The following SOX6 variants were observed in gnomAD, a reference collection of about 807,000 sequenced individuals.
SOX6 encodes the protein SRY-box transcription factor 6, also known as transcription factor SOX-6.
A neutral mutation model predicts 97.8 loss-of-function variants in SOX6; 11 were observed. The ratio of observed to expected loss-of-function variants is 0.11; its 90% confidence interval spans 0.07 to 0.19. The LOEUF is 0.19. Among genes scored for constraint, SOX6 ranks in the 10% least tolerant of loss-of-function variants. The pLI, the probability that SOX6 is intolerant of heterozygous loss-of-function variation, is 1.00. For missense variants in SOX6, 810 were observed against 1,039.5 expected (o/e 0.78, Z 3.04); for synonymous variants, 360 against 371.4 (o/e 0.97, Z 0.35).
At chr11:16,637,102 C>A (rs1405544157) in intron 3 of SOX6, among the ~76,000 whole-genome samples, 2 of 152,104 alleles carry the variant, frequency 1.3e-5, no homozygotes, top group Non-Finnish European at 2.9e-5. Context: ...AAACAACAAG[C>A]TTTTGGATTC....
At chr11:16,043,972 C>G (rs1183842882) in intron 12 of SOX6, among the ~76,000 whole-genome samples, 1 of 152,164 alleles carries the variant, frequency 6.6e-6, no homozygotes, top group Non-Finnish European at 1.5e-5. Context: ...AGCCTGGAAG[C>G]TTCCTATGAG....
upstream of SOX6, among the ~76,000 whole-genome samples, chr11:16,479,288 G>C (rs1860303898): frequency 6.6e-6 from 1 of 152,176 alleles, no homozygotes; most frequent in Admixed American, 6.5e-5. Flanking sequence ...CCAACACTTT[G>C]GGAGGCTGAG....
In SOX6 at chr11:16,046,505, C is replaced by G; in HGVS notation, c.1623+9G>C. On this transcript the variant is annotated intron_variant, in intron 12 of 15. Transcript: ENST00000683767. ...TAGCAGATCCAGTGACACAAGGAAG[C>G]AGTTTTACCTTTTCATTCCTGCAGC... The G allele has an allele frequency of 6.2e-7, 1 of 1,612,648 alleles. No individual in the cohort carries two copies. The highest frequency in any genetic ancestry group is 1.1e-5 in the South Asian group (1 of 91,028).
At chr11:16,278,039 A>G (rs900543365) in intron 3 of SOX6, among the ~76,000 whole-genome samples, 10 of 151,984 alleles carry the variant, frequency 6.6e-5, no homozygotes, top group Non-Finnish European at 1.0e-4. Context: ...CTATATATAT[A>G]TTTCTCTCTT....
rs75116409 is a variant in SOX6 at position 16,149,398 on chromosome 11, C to T, written c.777+34488G>A. ...ATTTCCAAAACAGTAAGCTTTTGCC[C>T]AGGATCTTTAATCTTGACCCTTTTC... On this transcript the variant is annotated intron_variant, in intron 6 of 15. Coordinates refer to ENST00000683767, the MANE Select transcript of SOX6 (RefSeq NM_001367873.1). Among the ~76,000 whole-genome samples the T allele has an allele frequency of 7.6e-3, 1,163 of 152,160 alleles. 16 individuals carry two copies. The highest frequency in any genetic ancestry group is 0.027 in the African/African-American group (1,112 of 41,510).
chr11:16,168,007 A>T (rs910108314), intron 6 of SOX6, among the ~76,000 whole-genome samples: 3 of 151,180 alleles, frequency 2.0e-5, no homozygotes, highest in Admixed American at 6.6e-5. Context: ...AAAGTTTGTC[A>T]AATCAAAATC....
At chr11:16,282,333 A>G (rs1367427091) in intron 3 of SOX6, among the ~76,000 whole-genome samples, 1 of 151,552 alleles carries the variant, frequency 6.6e-6, no homozygotes, top group East Asian at 1.9e-4. Flanking sequence ...TATTGGAAAG[A>G]AATACAGATA....
chr11:15,988,099 GTC>G (rs1396893596), intron 14 of SOX6, among the ~76,000 whole-genome samples: 9 of 152,180 alleles, frequency 5.9e-5, no homozygotes, highest in Non-Finnish European at 8.8e-5. Flanking sequence ...CACAGTTTAA[GTC>G]TCTAATGTTT....
chr11:15,972,417 G>A lies in SOX6; in HGVS notation c.*392C>T, dbSNP rs986014927. 6.1e-5 allele frequency: 12 copies of A among 197,122 alleles called. No homozygotes were observed. Among genetic ancestry groups the A allele is most frequent in the Non-Finnish European group, 1.3e-4 (12 of 95,114 alleles). The allele number at this position is 197,122 out of a possible 1,614,324, so 12.2% of individuals were successfully genotyped here. On this transcript the variant is annotated 3_prime_UTR_variant, in exon 16 of 16. Transcript: ENST00000683767. Reference sequence around the variant, plus strand: ...AAAACACATTCACAACCTGTAGGCCGGCACAGCATACCTGAGTGAGAATGT... The same window carrying A: ...AAAACACATTCACAACCTGTAGGCCAGCACAGCATACCTGAGTGAGAATGT...
chr11:16,019,361 A>G (rs1854984563), intron 12 of SOX6, among the ~76,000 whole-genome samples: 1 of 152,148 alleles, frequency 6.6e-6, no homozygotes, highest in African/African-American at 2.4e-5. Context: ...ACCTTTATTC[A>G]AAAGCTCATT....
intron 4 of SOX6, among the ~76,000 whole-genome samples, chr11:16,547,178 T>C (rs1233721996): frequency 6.6e-6 from 1 of 152,116 alleles, no homozygotes; most frequent in African/African-American, 2.4e-5. Context: ...TGTAAATTAG[T>C]ACAACCACTA....
intron 2 of SOX6, among the ~76,000 whole-genome samples, chr11:16,323,212 A>G (rs1175859451): frequency 6.6e-6 from 1 of 152,176 alleles, no homozygotes; most frequent in Non-Finnish European, 1.5e-5. Flanking sequence ...CACAATATGT[A>G]AAATATGTGT....
intron 3 of SOX6, among the ~76,000 whole-genome samples, chr11:16,628,970 T>A (rs1230109426): frequency 6.6e-6 from 1 of 152,230 alleles, no homozygotes; most frequent in Non-Finnish European, 1.5e-5. Context: ...TTTACTGAAG[T>A]TGTTTATCAG....
At chr11:16,385,478 C>T (rs1035025865) in intron 1 of SOX6, among the ~76,000 whole-genome samples, 1 of 151,998 alleles carries the variant, frequency 6.6e-6, no homozygotes, top group East Asian at 1.9e-4. Flanking sequence ...AACAAAAATG[C>T]TCTTGAGGTA....
intron 4 of SOX6, among the ~76,000 whole-genome samples, chr11:16,516,419 A>G (rs1480570305): frequency 6.6e-6 from 1 of 152,194 alleles, no homozygotes; most frequent in East Asian, 1.9e-4. Context: ...ACTTTGCTGA[A>G]GTTGCTTATG....
chr11:16,240,117 G>C (rs1420869097), intron 3 of SOX6, among the ~76,000 whole-genome samples: 1 of 152,034 alleles, frequency 6.6e-6, no homozygotes, highest in African/African-American at 2.4e-5. Flanking sequence ...ACATGCTAAT[G>C]ACTCAATGCT....
rs896783600 is a variant in SOX6, at chr11:16,516,171, T to C, written n.610-39783A>G. Reference sequence around the variant, plus strand: ...CCATTTTCATGATATTGATTCTTCCTACCCATGAGCATGGAGTGTTCTTCC... The same window carrying C: ...CCATTTTCATGATATTGATTCTTCCCACCCATGAGCATGGAGTGTTCTTCC... On this transcript the variant is annotated intron_variant and non_coding_transcript_variant, in intron 4 of 5. Coordinates refer to the SOX6 transcript ENST00000524520. Among the ~76,000 whole-genome samples the C allele has an allele frequency of 1.3e-4, 19 of 150,912 alleles. 1 individual carries two copies. The highest frequency in any genetic ancestry group is 4.6e-4 in the African/African-American group (19 of 41,010).
chr11:16,182,396 C>T (rs11023864), intron 6 of SOX6, among the ~76,000 whole-genome samples: 1 of 151,760 alleles, frequency 6.6e-6, no homozygotes, highest in Non-Finnish European at 1.5e-5. Flanking sequence ...TGAGTTCCTA[C>T]AGAGGGATCT....
intron 1 of SOX6, among the ~76,000 whole-genome samples, chr11:16,383,112 T>C (rs901676382): frequency 6.6e-6 from 1 of 151,926 alleles, no homozygotes; most frequent in Admixed American, 6.6e-5. Context: ...AGTCATGAAA[T>C]AGAGACTTCT....
Sources: allele counts gnomAD v4.1 joint callset (sites outside exome capture counted in the v4.1 genomes callset), GRCh38; gene constraint gnomAD v4.1.1; transcripts MANE v1.5; gene names NCBI Gene and HGNC (gene_info 2026-07-23, HGNC 2026-07-21).